XRCC6: variants seen among roughly 807,000 people sequenced by gnomAD.
XRCC6 encodes X-ray repair cross complementing 6, also known as DNA repair protein Ku70.
A neutral mutation model predicts 65.7 loss-of-function variants in XRCC6; 5 were observed. That is an observed-to-expected ratio of 0.08 (90% CI 0.04 to 0.16). The LOEUF is 0.16. XRCC6 is among the 10% of genes least tolerant of loss of function. XRCC6 has a pLI of 1.00. For synonymous variants in XRCC6, 270 were observed against 270.6 expected (o/e 1.00, Z 0.02); for missense variants, 447 against 738.1 (o/e 0.61, Z 4.57).
In XRCC6 at chr22:41,636,634, C is replaced by T. The variant is rs2067812888; in HGVS notation, c.453C>T (p.Ala151=). The T allele has an allele frequency of 6.2e-7, 1 of 1,614,002 alleles. No homozygotes were observed. Among genetic ancestry groups the T allele is most frequent in the South Asian group, 1.1e-5 (1 of 91,082 alleles). Residue 151 remains alanine, a synonymous_variant, in exon 5 of 13, where the codon GCC becomes GCT. Transcript: ENST00000360079. ...YSLSEVLWVC[A]NLFSDVQFKM... ...TCAGTGAAGTGCTGTGGGTCTGTGC[C>T]AACCTCTTTAGTGATGTCCAATTCA...
At chr22:41,650,940 T>C (rs776826672) in intron 8 of XRCC6, 49 bp downstream of exon 8, 3 of 1,606,692 alleles carry the variant, frequency 1.9e-6, no homozygotes, top group Non-Finnish European at 2.6e-6. Flanking sequence ...CAGTGCAGTT[T>C]ACGGAGCAGC....
In XRCC6 at chr22:41,638,249, GTTAA is replaced by G. The variant is rs372419225; in HGVS notation, c.773+464_773+467del. Among the ~76,000 whole-genome samples the G allele has an allele frequency of 2.6e-5, 4 of 152,152 alleles. 1 individual carries two copies. The highest frequency in any genetic ancestry group is 9.7e-5 in the African/African-American group (4 of 41,430). On this transcript the variant is annotated intron_variant, in intron 6 of 12. Coordinates refer to ENST00000360079, the MANE Select transcript of XRCC6 (RefSeq NM_001469.5). ...GCTGTACTCACTAGTACAGTCATGT[GTTAA>G]TTAATGATAGGGATACCTTCTTAGA...
At chr22:41,637,321 A>G (rs1215867919) in intron 5 of XRCC6, among the ~76,000 whole-genome samples, 3 of 152,046 alleles carry the variant, frequency 2.0e-5, no homozygotes, top group Non-Finnish European at 4.4e-5. Flanking sequence ...TGGACCTCAG[A>G]TGATCCACCA....
intron 7 of XRCC6, among the ~76,000 whole-genome samples, chr22:41,649,817 T>A (rs2067977247): frequency 6.7e-6 from 1 of 149,154 alleles, no homozygotes; most frequent in African/African-American, 2.5e-5. Context: ...GATCGCTGCC[T>A]GGGTGACAGC....
At chr22:41,657,896 T>C (rs2068060290) in intron 10 of XRCC6, among the ~76,000 whole-genome samples, 1 of 152,012 alleles carries the variant, frequency 6.6e-6, no homozygotes, top group African/African-American at 2.4e-5. Flanking sequence ...CGATCATGGC[T>C]CACTGCAGCC....
chr22:41,648,600 T>A (rs968176996), intron 7 of XRCC6, among the ~76,000 whole-genome samples: 1 of 152,086 alleles, frequency 6.6e-6, no homozygotes, highest in African/African-American at 2.4e-5. Context: ...GCTCAGTCTA[T>A]AGAGGGATTT....
chr22:41,640,026 GACCTAC>G (rs2067858478), intron 6 of XRCC6, among the ~76,000 whole-genome samples: 1 of 151,866 alleles, frequency 6.6e-6, no homozygotes, highest in South Asian at 2.1e-4. Flanking sequence ...TCTTCCTAAA[GACCTAC>G]AGCCTTTTAT....
intron 3 of XRCC6, among the ~76,000 whole-genome samples, chr22:41,632,475 G>T (rs1480632002): frequency 6.6e-6 from 1 of 152,072 alleles, no homozygotes; most frequent in Admixed American, 6.6e-5. Context: ...GCCGGGCATG[G>T]TAGTGCAGGC....
intron 8 of XRCC6, among the ~76,000 whole-genome samples, chr22:41,652,064 G>A (rs1357063715): frequency 2.6e-5 from 4 of 152,190 alleles, no homozygotes; most frequent in Non-Finnish European, 5.9e-5. Context: ...GATTACAGGC[G>A]TGAGCCACCA....
chr22:41,632,189 AG>A (rs889764560), intron 3 of XRCC6, among the ~76,000 whole-genome samples: 4 of 151,826 alleles, frequency 2.6e-5, no homozygotes, highest in African/African-American at 9.7e-5. Context: ...GGAGAGGGAG[AG>A]GGATTACTGT....
intron 6 of XRCC6, among the ~76,000 whole-genome samples, chr22:41,641,304 T>TA (rs1375567740): frequency 2.7e-5 from 2 of 74,636 alleles, no homozygotes; most frequent in Non-Finnish European, 4.3e-5. Context: ...ATATTAAACT[T>TA]ACGCTTTTTA....
At chr22:41,631,307 C>T (rs968847268) in intron 3 of XRCC6, among the ~76,000 whole-genome samples, 81 of 151,130 alleles carry the variant, frequency 5.4e-4, no homozygotes, top group Non-Finnish European at 8.3e-4. Context: ...GGCTGCTGGG[C>T]GGAGAGGCTC....
chr22:41,624,105 CTGGGTGTGG>C (rs1484908169), intron 2 of XRCC6, among the ~76,000 whole-genome samples: 1 of 151,788 alleles, frequency 6.6e-6, no homozygotes, highest in African/African-American at 2.4e-5. Flanking sequence ...TGTAATTTGT[CTGGGTGTGG>C]TGGCTCACGC....
chr22:41,659,401 G>A (rs1026661325), intron 11 of XRCC6, among the ~76,000 whole-genome samples: 2 of 152,000 alleles, frequency 1.3e-5, no homozygotes, highest in East Asian at 1.9e-4. Context: ...TAGTAGAGAC[G>A]GGGTTTCACT....
chr22:41,656,373 T>C (rs1189530199), intron 9 of XRCC6, among the ~76,000 whole-genome samples: 1 of 151,614 alleles, frequency 6.6e-6, no homozygotes, highest in Non-Finnish European at 1.5e-5. Flanking sequence ...GTACAAAAAT[T>C]AGCCGGGCGT....
At chr22:41,638,405 T>C (rs1211418758) in intron 6 of XRCC6, among the ~76,000 whole-genome samples, 2 of 152,166 alleles carry the variant, frequency 1.3e-5, no homozygotes, top group African/African-American at 4.8e-5. Flanking sequence ...CAAACCTGTA[T>C]AGCATATTAC....
chr22:41,663,686 C>T lies in XRCC6; in HGVS notation c.1701C>T (p.His567=). 6.2e-7 allele frequency: 1 copy of T among 1,614,002 alleles called. No homozygotes were observed. The highest frequency in any genetic ancestry group is 8.5e-7 in the Non-Finnish European group (1 of 1,179,874). The change falls in exon 13 of 13, where the codon CAC becomes CAT. Residue 567 remains histidine, a synonymous_variant. Coordinates refer to ENST00000360079, the MANE Select transcript of XRCC6 (RefSeq NM_001469.5). Reference sequence around the variant, plus strand: ...ATTCAGAAGAGGAGCTGAAGACCCACATCAGCAAGGGTACGCTGGGCAAGT... The same window carrying T: ...ATTCAGAAGAGGAGCTGAAGACCCATATCAGCAAGGGTACGCTGGGCAAGT... ...VEYSEEELKT[H]ISKGTLGKFT...
At chr22:41,631,954 CG>C (rs1320779533) in intron 3 of XRCC6, among the ~76,000 whole-genome samples, 27 of 151,906 alleles carry the variant, frequency 1.8e-4, no homozygotes, top group African/African-American at 6.0e-4. Flanking sequence ...AGCGAAACCC[CG>C]TCTCCACCAA....
intron 3 of XRCC6, among the ~76,000 whole-genome samples, chr22:41,631,372 G>A (rs532683979): frequency 1.3e-5 from 2 of 151,438 alleles, no homozygotes; most frequent in East Asian, 2.0e-4. Flanking sequence ...CTTCTCAGAC[G>A]GGGCGGCTCC....
Sources: gnomAD v4.1 joint callset for allele counts (sites outside exome capture counted in the v4.1 genomes callset) on GRCh38, gnomAD v4.1.1 for gene constraint, MANE v1.5 for transcripts, NCBI Gene and HGNC (gene_info 2026-07-23, HGNC 2026-07-21) for gene names.